CD2AP: variants seen among roughly 807,000 people sequenced by gnomAD.
CD2AP encodes the protein CD2 associated protein, also known as CD2-associated protein.
In CD2AP, 46 loss-of-function variants were observed where a neutral mutation model predicts 85.1. The ratio of observed to expected loss-of-function variants is 0.54; its 90% CI spans 0.43 to 0.69. CD2AP has a LOEUF of 0.69. Among genes scored for constraint, CD2AP ranks in the 30% least tolerant of loss-of-function variants. The pLI is 0.00. For missense variants in CD2AP, 769 were observed against 729.5 expected (o/e 1.05, Z -0.62); for synonymous variants, 255 against 252.9 (o/e 1.01, Z -0.08).
At chr6:47,510,524 A>G (rs925213338) in intron 2 of CD2AP, among the ~76,000 whole-genome samples, 1 of 152,120 alleles carries the variant, frequency 6.6e-6, no homozygotes, top group Non-Finnish European at 1.5e-5. Context: ...GGGACTTAGA[A>G]CCCAACCTGA....
chr6:47,498,335 A>G (rs1765918956), intron 1 of CD2AP, among the ~76,000 whole-genome samples: 1 of 152,218 alleles, frequency 6.6e-6, no homozygotes, highest in Non-Finnish European at 1.5e-5. Flanking sequence ...AATCTTTTGT[A>G]GATGAAATTT....
chr6:47,609,528 A>AAAG (rs1207439438), intron 16 of CD2AP: 3 of 355,922 alleles, frequency 8.4e-6, no homozygotes, highest in South Asian at 3.4e-5. Flanking sequence ...AAAAAAAAAA[A>AAAG]AAAGAAAAGA....
chr6:47,563,187 A>G (rs749832966), intron 5 of CD2AP, among the ~76,000 whole-genome samples: 1 of 152,206 alleles, frequency 6.6e-6, no homozygotes, highest in Non-Finnish European at 1.5e-5. Context: ...TTCTGAGCGT[A>G]TGTAATCCCT....
In CD2AP at chr6:47,595,891, C is replaced by T. The variant is rs1334206997; in HGVS notation, c.1139C>T (p.Ser380Phe). 6.2e-6 allele frequency: 10 copies of T among 1,612,716 alleles called. No homozygotes were observed. The highest frequency in any genetic ancestry group is 7.6e-6 in the Non-Finnish European group (9 of 1,179,048). The change falls in exon 12 of 18, where the codon TCT becomes TTT. Residue 380 changes from serine (S) to phenylalanine (F), a missense_variant. Ser to Phe is a radical substitution (Grantham distance 155, BLOSUM62 -2). Transcript: ENST00000359314. ...DEKSTLEQKP[S>F]KPAAPQVPPK... ...AAATCAACACTGGAACAGAAACCTT[C>T]TAAACCAGCAGCTCCACAAGTCCCA...
chr6:47,545,610 G>A (rs938783350), intron 4 of CD2AP, among the ~76,000 whole-genome samples: 4 of 151,972 alleles, frequency 2.6e-5, no homozygotes, highest in Admixed American at 2.0e-4. Context: ...TCAATACCCC[G>A]CCCGCTGGTC....
At chr6:47,536,037 A>T (rs781732674) in intron 3 of CD2AP, among the ~76,000 whole-genome samples, 1 of 152,222 alleles carries the variant, frequency 6.6e-6, no homozygotes. Flanking sequence ...AAAAATCATT[A>T]TGCAGTTGGT....
At chr6:47,558,514 T>G (rs541806591) in intron 5 of CD2AP, among the ~76,000 whole-genome samples, 1 of 152,210 alleles carries the variant, frequency 6.6e-6, no homozygotes, top group Non-Finnish European at 1.5e-5. Context: ...CCTAGTTTGT[T>G]GAGTTTTTTA....
intron 1 of CD2AP, among the ~76,000 whole-genome samples, chr6:47,497,381 C>T (rs1313099458): frequency 6.7e-6 from 1 of 148,366 alleles, no homozygotes; most frequent in Non-Finnish European, 1.5e-5. Context: ...TTCTCCTTCC[C>T]TGTCGCCTTC....
intron 1 of CD2AP, among the ~76,000 whole-genome samples, chr6:47,489,671 AT>A: frequency 6.6e-6 from 1 of 152,308 alleles, no homozygotes; most frequent in East Asian, 1.9e-4. Flanking sequence ...GAGGTAAAAC[AT>A]TAGTCTTCCC....
At position 47,617,507 on chromosome 6, in the gene CD2AP, A is replaced by G. The variant is rs186392207; in HGVS notation, c.1878+4971A>G. On this transcript the variant is annotated intron_variant, in intron 17 of 17. Coordinates refer to ENST00000359314, the MANE Select transcript of CD2AP (RefSeq NM_012120.3). The stretch of plus-strand genomic sequence containing the variant: ...TAGCATGTCCCCAGTTAAATTTATC[A>G]TCTTCCTTTCCTGTTCTTTTGATTT... 3.4e-3 allele frequency among the ~76,000 whole-genome samples: 520 copies of G among 152,200 alleles called. 7 individuals carry two copies. Among genetic ancestry groups the G allele is most frequent in the Non-Finnish European group, 2.9e-3 (197 of 68,006 alleles).
At chr6:47,564,126 G>C (rs1767931600) in intron 5 of CD2AP, among the ~76,000 whole-genome samples, 1 of 152,016 alleles carries the variant, frequency 6.6e-6, no homozygotes, top group African/African-American at 2.4e-5. Flanking sequence ...GATGTTTAAG[G>C]GTGTGTAAAA....
chr6:47,488,586 T>C (rs1277137889), intron 1 of CD2AP, among the ~76,000 whole-genome samples: 2 of 152,166 alleles, frequency 1.3e-5, no homozygotes, highest in Non-Finnish European at 2.9e-5. Context: ...TTTACATTTA[T>C]ATAACATTTC....
chr6:47,610,740 CT>C (rs1479761364), intron 16 of CD2AP, among the ~76,000 whole-genome samples: 5 of 151,232 alleles, frequency 3.3e-5, no homozygotes, highest in African/African-American at 4.8e-5. Context: ...TTGAAAGATT[CT>C]TTTAGTAGAT....
intron 4 of CD2AP, among the ~76,000 whole-genome samples, chr6:47,549,460 C>CAAAAAAAAAAAAAAAAA (rs67626138): frequency 9.0e-6 from 1 of 110,712 alleles, no homozygotes; most frequent in Non-Finnish European, 1.8e-5. Flanking sequence ...ACAATAGCTG[C>CAAAAAAAAAAAAAAAAA]AAAAAAAAAA....
chr6:47,508,555 T>G (rs1168352222), intron 2 of CD2AP, among the ~76,000 whole-genome samples: 2 of 148,526 alleles, frequency 1.3e-5, no homozygotes, highest in Admixed American at 6.6e-5. Context: ...TGTTTTTTTT[T>G]TTTTTTTTGG....
At chr6:47,552,357 T>C (rs1474905248) in intron 4 of CD2AP, among the ~76,000 whole-genome samples, 3 of 152,076 alleles carry the variant, frequency 2.0e-5, no homozygotes, top group Non-Finnish European at 4.4e-5. Context: ...CTTTGCTTCC[T>C]CATAGCTTAG....
At position 47,574,156 on chromosome 6, in the gene CD2AP, C is replaced by T; in HGVS notation, c.634C>T (p.Arg212Ter). 1 of 1,613,838 alleles carries T rather than the reference C, an allele frequency of 6.2e-7. No homozygotes were observed. Among genetic ancestry groups the T allele is most frequent in the Non-Finnish European group, 8.5e-7 (1 of 1,179,908 alleles). The change falls in exon 6 of 18, where the codon CGA becomes TGA. Residue 212 changes from arginine to a stop codon, truncating the protein, a stop_gained. Transcript: ENST00000359314. LOFTEE classifies it high-confidence loss of function. ...SGSVTQPKKI[R>*]GIGFGDIFKE... ...ATCAGTTACACAGCCAAAGAAAATT[C>T]GAGGAATTGGATTTGGAGACATTTT...
In CD2AP at chr6:47,626,695, C is replaced by G. The variant is rs746098698; in HGVS notation, c.*2468C>G. The G allele has an allele frequency of 6.6e-6, 1 of 152,408 alleles. No homozygotes were observed. Among genetic ancestry groups the G allele is most frequent in the Non-Finnish European group, 1.5e-5 (1 of 67,872 alleles). The allele number at this position is 152,408 out of a possible 1,614,324, so 9.4% of individuals were successfully genotyped here. On this transcript the variant is annotated 3_prime_UTR_variant, in exon 18 of 18. Transcript: ENST00000359314. ...AACAGGCCTTGTGTAACAGAAGATA[C>G]TCTTTTTTATGCTCCTTACTGTGAT...
chr6:47,492,347 C>CATTTT (rs1554167732), intron 1 of CD2AP, among the ~76,000 whole-genome samples: 1,402 of 95,482 alleles, frequency 0.015, 14 homozygotes, highest in Admixed American at 0.022. Context: ...CACCTGTAAT[C>CATTTT]TTTTTTTTTT....
Sources: allele counts gnomAD v4.1 joint callset (sites outside exome capture counted in the v4.1 genomes callset), GRCh38; gene constraint gnomAD v4.1.1; transcripts MANE v1.5; gene names NCBI Gene and HGNC (gene_info 2026-07-23, HGNC 2026-07-21).